Variants in SUCLA2 observed in about 807,000 individuals in gnomAD.
SUCLA2 encodes the protein succinate-CoA ligase ADP-forming subunit beta, also known as succinate--CoA ligase [ADP-forming] subunit beta, mitochondrial.
Under a neutral mutation model 54.8 loss-of-function variants are expected in SUCLA2, and 30 were observed. The ratio of observed to expected loss-of-function variants is 0.55; its 90% CI spans 0.41 to 0.74. SUCLA2 has a LOEUF of 0.74. Ranked by LOEUF, SUCLA2 falls within the 30% of genes least tolerant of loss-of-function variation. SUCLA2 has a pLI of 0.00. For missense variants in SUCLA2, 476 were observed against 562.9 expected, an observed-to-expected ratio of 0.85 and a Z score of 1.56; for synonymous variants, 172 against 188.9, an observed-to-expected ratio of 0.91 and a Z score of 0.74.
intron 4 of SUCLA2, among the ~76,000 whole-genome samples, chr13:47,985,217 C>G (rs1221483589): frequency 6.6e-6 from 1 of 152,070 alleles, no homozygotes; most frequent in South Asian, 2.1e-4. Flanking sequence ...TTTTGCTTTG[C>G]TTATTCTTTT....
At chr13:47,980,331 T>A (rs938816935) in intron 4 of SUCLA2, among the ~76,000 whole-genome samples, 2 of 151,910 alleles carry the variant, frequency 1.3e-5, no homozygotes, top group African/African-American at 4.8e-5. Context: ...AGGAGAATGG[T>A]GTGAACCCGG....
Position 47,968,605 on chromosome 13 carries a change from T to C in SUCLA2, c.792A>G (p.Ser264=). The change falls in exon 6 of 11, where the codon TCA becomes TCG. Residue 264 remains serine (S), a synonymous_variant. Transcript: ENST00000646932. ...MIEINPMVED[S]DGAVLCMDAK... ...AAGAAGATACTTTACCAGCTCCATC[T>C]GAATCTTCCACCATTGGATTTATTT... is the stretch of plus-strand genomic sequence containing the variant. 6.2e-7 allele frequency: 1 copy of C among 1,611,704 alleles called. No homozygotes were observed.
At chr13:47,961,906 T>G (rs948008586) in intron 6 of SUCLA2, among the ~76,000 whole-genome samples, 2 of 152,198 alleles carry the variant, frequency 1.3e-5, no homozygotes, top group East Asian at 3.8e-4. Flanking sequence ...CTTGCTTCTT[T>G]GGAGGAGTTC....
At chr13:47,985,787 C>A (rs1950098113) in intron 4 of SUCLA2, among the ~76,000 whole-genome samples, 1 of 152,036 alleles carries the variant, frequency 6.6e-6, no homozygotes, top group Non-Finnish European at 1.5e-5. Flanking sequence ...AGTATTTCTG[C>A]CTCTAGGTCT....
intron 6 of SUCLA2, among the ~76,000 whole-genome samples, chr13:47,956,069 C>T (rs1851396733): frequency 6.6e-6 from 1 of 151,992 alleles, no homozygotes. Flanking sequence ...AATGTAACCA[C>T]TAGTAAAGAG....
intron 4 of SUCLA2, among the ~76,000 whole-genome samples, chr13:47,974,654 G>T (rs1324588813): frequency 6.6e-6 from 1 of 152,164 alleles, no homozygotes; most frequent in Non-Finnish European, 1.5e-5. Context: ...TCTGGCTATT[G>T]TCATGAACAA....
chr13:47,970,100 T>TC (rs1397403314), intron 5 of SUCLA2, among the ~76,000 whole-genome samples: 1 of 81,634 alleles, frequency 1.2e-5, no homozygotes, highest in African/African-American at 3.9e-5. Flanking sequence ...AGACTCTGTC[T>TC]CCCCCCCACA....
chr13:47,945,890 C>G (rs1360283827), intron 10 of SUCLA2: 1 of 152,268 alleles, frequency 6.6e-6, no homozygotes, highest in African/African-American at 2.4e-5. Context: ...CGTATCCACG[C>G]TGTATAAACT....
chr13:47,966,620 T>C (rs2137712785), intron 6 of SUCLA2, among the ~76,000 whole-genome samples: 1 of 151,992 alleles, frequency 6.6e-6, no homozygotes, highest in South Asian at 2.1e-4. Context: ...TCCTCACAAT[T>C]CCTACATTCC....
At chr13:47,949,766 T>C (rs888016345) in intron 8 of SUCLA2, among the ~76,000 whole-genome samples, 163 bp from the exon 9 acceptor site, 2 of 152,370 alleles carry the variant, frequency 1.3e-5, no homozygotes, top group South Asian at 4.1e-4. Flanking sequence ...GAAGTCTATG[T>C]AGTCCACTGC....
At chr13:47,953,825 G>A (rs1949795536) in intron 8 of SUCLA2, among the ~76,000 whole-genome samples, 1 of 151,990 alleles carries the variant, frequency 6.6e-6, no homozygotes. Flanking sequence ...AATATCTAGT[G>A]ATTAATAATA....
chr13:48,001,165 AC>A lies in SUCLA2; in HGVS notation c.90+14del, dbSNP rs1278242539. The A allele has an allele frequency of 5.6e-6, 9 of 1,604,848 alleles. No individual in the cohort carries two copies. The highest frequency in any genetic ancestry group is 7.7e-6 in the Non-Finnish European group (9 of 1,176,340). On this transcript the variant is annotated intron_variant, in intron 1 of 10. Coordinates refer to ENST00000646932, the MANE Select transcript of SUCLA2 (RefSeq NM_003850.3). ...CTGCCGACCCTCGAGACGACAGCGG[AC>A]TGGAAGGCATTACCTGAGCAGCAGC...
chr13:47,981,383 G>A (rs566336778), intron 4 of SUCLA2, among the ~76,000 whole-genome samples: 6 of 152,106 alleles, frequency 3.9e-5, no homozygotes, highest in African/African-American at 7.2e-5. Flanking sequence ...CACTAATAAC[G>A]GGGGAAATGC....
At chr13:47,965,831 G>A (rs574050324) in intron 6 of SUCLA2, among the ~76,000 whole-genome samples, 13 of 152,310 alleles carry the variant, frequency 8.5e-5, no homozygotes, top group Non-Finnish European at 1.8e-4. Context: ...GGCAGATCAC[G>A]AAGTCAGGAG....
At chr13:47,981,679 G>C (rs967232351) in intron 4 of SUCLA2, among the ~76,000 whole-genome samples, 4 of 152,190 alleles carry the variant, frequency 2.6e-5, no homozygotes, top group Non-Finnish European at 1.5e-5. Flanking sequence ...AGCCGGGCAT[G>C]GTGGTGCACG....
At position 47,948,902 on chromosome 13, in the gene SUCLA2, G is replaced by A; in HGVS notation, c.1317+38C>T. The A allele has an allele frequency of 1.9e-6, 3 of 1,577,996 alleles. No homozygotes were observed. In the East Asian group the frequency reaches 6.7e-5, roughly 35 times the overall value. ...TAATTAGGTTCATTTTAGAATCTGTGTTTATAAATCCTCCTTAGATGAACA... is the reference window on the plus strand; with the variant it reads ...TAATTAGGTTCATTTTAGAATCTGTATTTATAAATCCTCCTTAGATGAACA... On this transcript the variant is annotated intron_variant, in intron 10 of 10. Coordinates refer to ENST00000646932, the MANE Select transcript of SUCLA2 (RefSeq NM_003850.3).
At chr13:47,977,574 T>A (rs1950026408) in intron 4 of SUCLA2, among the ~76,000 whole-genome samples, 1 of 152,140 alleles carries the variant, frequency 6.6e-6, no homozygotes, top group Non-Finnish European at 1.5e-5. Flanking sequence ...GGACTTTACA[T>A]CATGATCAAG....
In SUCLA2 at chr13:47,988,708, AAT is replaced by A. The variant is rs1324281132; in HGVS notation, c.372-7_372-6del. The A allele has an allele frequency of 7.4e-6, 12 of 1,613,390 alleles. No individual in the cohort carries two copies. The Admixed American group carries it at 2.0e-4, about 27-fold the overall frequency. On this transcript the variant is annotated splice_region_variant and splice_polypyrimidine_tract_variant and intron_variant, in intron 3 of 10. Coordinates refer to ENST00000646932, the MANE Select transcript of SUCLA2 (RefSeq NM_003850.3). ...ACAGCTTTTGCTTCTTCTGGACTAA[AAT>A]AAGAAAAAGAACTCAAATTTTTCTT...
At chr13:47,991,982 A>C (rs1950152720) in intron 2 of SUCLA2, among the ~76,000 whole-genome samples, 1 of 141,336 alleles carries the variant, frequency 7.1e-6, no homozygotes, top group Non-Finnish European at 1.5e-5. Flanking sequence ...AACCATGGCA[A>C]ATTAGAGAGT....
Sources: allele counts gnomAD v4.1 joint callset (sites outside exome capture counted in the v4.1 genomes callset), GRCh38; gene constraint gnomAD v4.1.1; transcripts MANE v1.5; gene names NCBI Gene and HGNC (gene_info 2026-07-23, HGNC 2026-07-21).